Variants in ADGRL4 observed in about 807,000 individuals in gnomAD.
ADGRL4 encodes the protein adhesion G protein-coupled receptor L4, also known as EGF, latrophilin and seven transmembrane domain containing 1.
A neutral mutation model predicts 74.8 loss-of-function variants in ADGRL4; 90 were observed. The observed-to-expected ratio is 1.20, with a 90% CI of 1.02 to 1.43. The LOEUF (loss-of-function observed/expected upper bound fraction) is 1.43. ADGRL4 is among the 40% of genes most tolerant of loss of function. ADGRL4 has a pLI of 0.00. For synonymous variants in ADGRL4, 311 were observed against 279.2 expected (o/e 1.11, Z -1.14); for missense variants, 881 against 814.3 (o/e 1.08, Z -1.00).
chr1:78,902,972 A>C (rs955729820), intron 12 of ADGRL4, among the ~76,000 whole-genome samples: 1 of 152,206 alleles, frequency 6.6e-6, no homozygotes, highest in African/African-American at 2.4e-5. Flanking sequence ...ATTTCATGAT[A>C]GTGGTTTCCA....
intron 7 of ADGRL4, among the ~76,000 whole-genome samples, chr1:78,928,184 G>A (rs1281800627): frequency 7.3e-5 from 11 of 151,302 alleles, no homozygotes; most frequent in Admixed American, 6.6e-4. Context: ...ATATAAGAAG[G>A]ATTTTTAAAG....
Position 78,893,115 on chromosome 1 carries a change from A to G in ADGRL4, c.1824T>C (p.Ser608=), listed in dbSNP as rs778951972. 2 of 1,596,282 alleles carry G rather than the reference A, an allele frequency of 1.3e-6. No homozygotes were observed. Among genetic ancestry groups the G allele is most frequent in the Non-Finnish European group, 1.7e-6 (2 of 1,172,814 alleles). ...GCATTTACCTTATGTTCTCAAAGCA[A>G]CTAACTTCTGGTTTCAACCCTGCAG... is the stretch of plus-strand genomic sequence containing the variant. ...RHTAGLKPEV[S]CFENIRSCAR... Residue 608 remains serine, a synonymous_variant, in exon 13 of 15, where the codon AGT becomes AGC. Transcript: ENST00000370742.
At chr1:78,927,895 C>A (rs1473586360) in intron 7 of ADGRL4, among the ~76,000 whole-genome samples, 1 of 151,886 alleles carries the variant, frequency 6.6e-6, no homozygotes, top group African/African-American at 2.4e-5. Context: ...TTGTTAAGAG[C>A]CTTGCTAAAC....
intron 2 of ADGRL4, among the ~76,000 whole-genome samples, chr1:78,968,114 T>C (rs1650092270): frequency 6.6e-6 from 1 of 152,138 alleles, no homozygotes; most frequent in Non-Finnish European, 1.5e-5. Flanking sequence ...ATTCCAAAAT[T>C]ATATGGGATT....
In ADGRL4 at chr1:78,927,044, G is replaced by A. The variant is rs1188765021; in HGVS notation, c.925C>T (p.Leu309Phe). ...FVYYKSIGPL[L>F]SSSDNFLLKP... is the part of the protein sequence containing the mutation. Reference sequence around the variant, plus strand: ...AATAAGAAGTTGTCAGATGATGAAAGCAAAGGACCAATACTCTTATAATAT... The same window carrying A: ...AATAAGAAGTTGTCAGATGATGAAAACAAAGGACCAATACTCTTATAATAT... Residue 309 changes from leucine (L) to phenylalanine (F), a missense_variant, in exon 8 of 15, where the codon CTT becomes TTT. Coordinates refer to ENST00000370742, the MANE Select transcript of ADGRL4 (RefSeq NM_022159.4). 6.2e-7 allele frequency: 1 copy of A among 1,607,716 alleles called. No individual in the cohort carries two copies. Among genetic ancestry groups the A allele is most frequent in the Non-Finnish European group, 8.5e-7 (1 of 1,175,302 alleles).
chr1:78,948,699 T>C (rs1050691905), intron 2 of ADGRL4, among the ~76,000 whole-genome samples: 3 of 152,162 alleles, frequency 2.0e-5, no homozygotes, highest in Non-Finnish European at 4.4e-5. Flanking sequence ...AGTAGATATG[T>C]ATGTCTATGA....
chr1:78,958,446 A>T (rs960862142), intron 2 of ADGRL4, among the ~76,000 whole-genome samples: 4 of 152,166 alleles, frequency 2.6e-5, no homozygotes, highest in African/African-American at 9.6e-5. Context: ...CATTAACAGT[A>T]GTTTGGAAGA....
At chr1:78,919,973 T>C (rs1050017351) in intron 10 of ADGRL4, among the ~76,000 whole-genome samples, 1 of 151,988 alleles carries the variant, frequency 6.6e-6, no homozygotes. Flanking sequence ...TAATTCATCA[T>C]AATGAGGGCC....
chr1:78,942,319 T>C (rs997147610), intron 3 of ADGRL4, among the ~76,000 whole-genome samples: 1 of 152,022 alleles, frequency 6.6e-6, no homozygotes, highest in Non-Finnish European at 1.5e-5. Flanking sequence ...TCAGGACTGG[T>C]GATTCTACTC....
At position 78,917,624 on chromosome 1, in the gene ADGRL4, A is replaced by G. The variant is rs1473750482; in HGVS notation, c.1749+10T>C. 2.6e-6 allele frequency: 4 copies of G among 1,556,858 alleles called. No homozygotes were observed. In the East Asian group the frequency reaches 6.8e-5, roughly 26 times the overall value. On this transcript the variant is annotated intron_variant, in intron 12 of 14. Coordinates refer to ENST00000370742, the MANE Select transcript of ADGRL4 (RefSeq NM_022159.4). ...TTTTGAATTGTAATAACAATTTTATATATACATACAAGAATGATTAGGCAT... is the reference window on the plus strand; with the variant it reads ...TTTTGAATTGTAATAACAATTTTATGTATACATACAAGAATGATTAGGCAT...
At chr1:78,999,414 T>A (rs2100741383) in intron 2 of ADGRL4, among the ~76,000 whole-genome samples, 1 of 152,110 alleles carries the variant, frequency 6.6e-6, no homozygotes, top group Admixed American at 6.6e-5. Flanking sequence ...ATACAATTTT[T>A]TACAAACAAT....
At chr1:78,969,110 G>A (rs1374710199) in intron 2 of ADGRL4, among the ~76,000 whole-genome samples, 1 of 152,168 alleles carries the variant, frequency 6.6e-6, no homozygotes, top group East Asian at 1.9e-4. Context: ...TTTAATAATT[G>A]AGTAAGGTAT....
rs1314456915 is a variant in ADGRL4, at chr1:78,988,188, G to C, written c.172+16882C>G. ...TCAAGAATTTAAACAGTTTATTTCA[G>C]GGCATTTTAGAAAACTTAAGTTGAT... On this transcript the variant is annotated intron_variant, in intron 2 of 14. Transcript: ENST00000370742. 1.3e-4 allele frequency among the ~76,000 whole-genome samples: 19 copies of C among 151,570 alleles called. No homozygotes were observed. In the Admixed American group the frequency reaches 1.3e-3, roughly 10 times the overall value.
chr1:79,000,849 A>G (rs147014636), intron 2 of ADGRL4, among the ~76,000 whole-genome samples: 2 of 152,242 alleles, frequency 1.3e-5, no homozygotes, highest in African/African-American at 4.8e-5. Flanking sequence ...CCTCTCTTTA[A>G]ACAAATTTGA....
chr1:78,940,623 A>G (rs1052789299), intron 3 of ADGRL4, among the ~76,000 whole-genome samples: 2 of 152,072 alleles, frequency 1.3e-5, no homozygotes, highest in Non-Finnish European at 2.9e-5. Flanking sequence ...TTATGTTTCT[A>G]CCCCAGGTTT....
At chr1:78,974,239 A>G (rs1228709888) in intron 2 of ADGRL4, among the ~76,000 whole-genome samples, 1 of 152,128 alleles carries the variant, frequency 6.6e-6, no homozygotes, top group African/African-American at 2.4e-5. Context: ...CAAAGATGGG[A>G]GGAGAAGTCA....
In ADGRL4 at chr1:78,939,261, G is replaced by A; in HGVS notation, c.326-3C>T. 1 of 1,555,380 alleles carries A rather than the reference G, an allele frequency of 6.4e-7. No individual in the cohort carries two copies. The highest frequency in any genetic ancestry group is 8.7e-7 in the Non-Finnish European group (1 of 1,152,740). On this transcript the variant is annotated splice_polypyrimidine_tract_variant and splice_region_variant and intron_variant, in intron 3 of 14. Coordinates refer to ENST00000370742, the MANE Select transcript of ADGRL4 (RefSeq NM_022159.4). ...ATGGCAGTTTGCATTCACATTTTCT[G>A]TAAAAAAAGAAAATAGATTATACAG...
intron 2 of ADGRL4, among the ~76,000 whole-genome samples, chr1:78,957,516 C>A (rs892490777): frequency 6.6e-6 from 1 of 152,164 alleles, no homozygotes; most frequent in Non-Finnish European, 1.5e-5. Context: ...CATATAAGAA[C>A]AAACCAGCCA....
chr1:78,994,167 G>T (rs1188550564), intron 2 of ADGRL4, among the ~76,000 whole-genome samples: 1 of 152,090 alleles, frequency 6.6e-6, no homozygotes, highest in Non-Finnish European at 1.5e-5. Flanking sequence ...GGAAAACAAA[G>T]ATATTACAGA....
Sources: gnomAD v4.1 joint callset for allele counts (sites outside exome capture counted in the v4.1 genomes callset) on GRCh38, gnomAD v4.1.1 for gene constraint, MANE v1.5 for transcripts, NCBI Gene and HGNC (gene_info 2026-07-23, HGNC 2026-07-21) for gene names.